ADGRA3: variants seen among roughly 807,000 people sequenced by gnomAD.
The protein encoded by ADGRA3 is G-protein coupled receptor 125.
A neutral mutation model predicts 119.8 loss-of-function variants in ADGRA3; 56 were observed. That is an observed-to-expected ratio of 0.47 (90% CI 0.38 to 0.58). The LOEUF is 0.58. ADGRA3 is among the 20% of genes least tolerant of loss of function. The pLI is 0.00. For synonymous variants in ADGRA3, 607 were observed against 623.8 expected, an observed-to-expected ratio of 0.97 and a Z score of 0.40; for missense variants, 1,516 against 1,649.0, an observed-to-expected ratio of 0.92 and a Z score of 1.40.
chr4:22,410,609 T>C (rs1415957968), intron 14 of ADGRA3, among the ~76,000 whole-genome samples: 2 of 152,134 alleles, frequency 1.3e-5, no homozygotes, highest in Admixed American at 6.5e-5. Context: ...TCAAGAGACA[T>C]AGGATTTTAT....
At chr4:22,432,592 C>T (rs1011321929) in intron 10 of ADGRA3, among the ~76,000 whole-genome samples, 43 of 152,240 alleles carry the variant, frequency 2.8e-4, no homozygotes, top group African/African-American at 1.0e-3. Context: ...TGCCAGAAAG[C>T]ATCATCAGAT....
intron 13 of ADGRA3, 46 bp from the exon 14 acceptor site, chr4:22,413,436 A>G: frequency 6.5e-7 from 1 of 1,535,808 alleles, no homozygotes; most frequent in South Asian, 1.1e-5. Flanking sequence ...AAACTTCATA[A>G]CCAATTATAA....
At chr4:22,513,533 TGG>T (rs746392231) in intron 1 of ADGRA3, among the ~76,000 whole-genome samples, 1 of 151,288 alleles carries the variant, frequency 6.6e-6, no homozygotes, top group Admixed American at 6.6e-5. Flanking sequence ...TTTTTTTGAA[TGG>T]GAGTCTCACT....
intron 4 of ADGRA3, among the ~76,000 whole-genome samples, chr4:22,447,979 G>A (rs967358137): frequency 6.6e-6 from 1 of 152,180 alleles, no homozygotes; most frequent in African/African-American, 2.4e-5. Context: ...TATGAGGGGA[G>A]CGGGATGAGT....
chr4:22,435,160 A>G (rs1340842790), intron 10 of ADGRA3, 151 bp downstream of exon 10: 8 of 654,914 alleles, frequency 1.2e-5, no homozygotes, highest in Non-Finnish European at 1.8e-5. Flanking sequence ...GAGAAGAGGC[A>G]GAAGTATCTC....
In ADGRA3 at chr4:22,438,348, C is replaced by A. The variant is rs1716477907; in HGVS notation, c.993G>T (p.Gly331=). The A allele has an allele frequency of 6.2e-7, 1 of 1,613,388 alleles. No homozygotes were observed. The highest frequency in any genetic ancestry group is 1.7e-5 in the Admixed American group (1 of 59,996). ...CAATATCCACAGTCCTCGTATTATT[C>A]CCACGTTTGGTCTGGACATGACAGC... ...NWGCHVQTKR[G]NNTRTVDIVV... is the part of the protein sequence containing the mutation. Residue 331 remains glycine, a synonymous_variant, in exon 8 of 19, where the codon GGG becomes GGT. Coordinates refer to ENST00000334304, the MANE Select transcript of ADGRA3 (RefSeq NM_145290.4).
chr4:22,493,688 C>T (rs994302672), intron 1 of ADGRA3, among the ~76,000 whole-genome samples: 3 of 152,246 alleles, frequency 2.0e-5, no homozygotes, highest in Admixed American at 6.5e-5. Flanking sequence ...AATGTGTACT[C>T]ATTTTGTCAG....
intron 10 of ADGRA3, among the ~76,000 whole-genome samples, chr4:22,428,349 G>GA (rs35955836): frequency 0.61 from 89,786 of 146,352 alleles, 29,259 homozygotes; most frequent in Non-Finnish European, 0.73. Flanking sequence ...GGTAAAATAA[G>GA]AAAAAAAAAA....
At chr4:22,500,041 T>G (rs1356213349) in intron 1 of ADGRA3, among the ~76,000 whole-genome samples, 1 of 152,200 alleles carries the variant, frequency 6.6e-6, no homozygotes, top group African/African-American at 2.4e-5. Flanking sequence ...ATGAGCATCA[T>G]GTCAATCCCA....
chr4:22,501,934 T>TC (rs1553882696), intron 1 of ADGRA3, among the ~76,000 whole-genome samples: 42 of 151,716 alleles, frequency 2.8e-4, no homozygotes, highest in South Asian at 6.3e-4. Flanking sequence ...ATTTTTTTTT[T>TC]CCCCATCAAG....
At chr4:22,478,951 A>C (rs933901725) in intron 1 of ADGRA3, among the ~76,000 whole-genome samples, 21 of 152,360 alleles carry the variant, frequency 1.4e-4, no homozygotes, top group East Asian at 1.2e-3. Flanking sequence ...GCAATGTTAA[A>C]AGATAAACAA....
chr4:22,463,375 C>T (rs1717541265), intron 2 of ADGRA3, among the ~76,000 whole-genome samples: 2 of 152,180 alleles, frequency 1.3e-5, no homozygotes, highest in East Asian at 1.9e-4. Flanking sequence ...GGACCACTGG[C>T]GCCACCTGTC....
chr4:22,510,233 C>T (rs1719403963), intron 1 of ADGRA3, among the ~76,000 whole-genome samples: 1 of 152,124 alleles, frequency 6.6e-6, no homozygotes, highest in Non-Finnish European at 1.5e-5. Context: ...CATCCCACTT[C>T]TCTTTTCAGG....
intron 14 of ADGRA3, among the ~76,000 whole-genome samples, chr4:22,410,395 AT>A (rs959513324): frequency 1.3e-5 from 2 of 151,524 alleles, no homozygotes; most frequent in African/African-American, 2.4e-5. Context: ...TTTCTGCTTA[AT>A]TTTTTTTTCT....
chr4:22,426,107 T>TAA (rs1192188658), intron 10 of ADGRA3, among the ~76,000 whole-genome samples: 2 of 152,200 alleles, frequency 1.3e-5, no homozygotes, highest in African/African-American at 2.4e-5. Context: ...TTTACTGTTT[T>TAA]AATCCCGAAA....
Position 22,436,587 on chromosome 4 carries a change from G to A in ADGRA3, c.1140C>T (p.Thr380=). 1.9e-6 allele frequency: 3 copies of A among 1,614,048 alleles called. No individual in the cohort carries two copies. Among genetic ancestry groups the A allele is most frequent in the Non-Finnish European group, 2.5e-6 (3 of 1,179,976 alleles). ...TTCCGGGATATATCCCACTGCCATG[G>A]GTGTTCCGCGTACACTGCAGATATG... ...ITAYLQCTRN[T]HGSGIYPGNP... Residue 380 remains threonine, a synonymous_variant, in exon 9 of 19, where the codon ACC becomes ACT. Transcript: ENST00000334304.
At chr4:22,502,422 C>G (rs953614074) in intron 1 of ADGRA3, among the ~76,000 whole-genome samples, 1 of 152,118 alleles carries the variant, frequency 6.6e-6, no homozygotes, top group Non-Finnish European at 1.5e-5. Context: ...TGAGATATAT[C>G]ACATGCAGAA....
At chr4:22,491,301 G>C (rs13103323) in intron 1 of ADGRA3, among the ~76,000 whole-genome samples, 71,670 of 152,104 alleles carry the variant, frequency 0.47, 18,605 homozygotes, top group East Asian at 0.61. Context: ...CAGGCCAAGA[G>C]GCAAGATCCA....
chr4:22,509,309 T>C (rs1437094028), intron 1 of ADGRA3, among the ~76,000 whole-genome samples: 1 of 151,822 alleles, frequency 6.6e-6, no homozygotes, highest in Non-Finnish European at 1.5e-5. Flanking sequence ...AAGACCAGCC[T>C]AGCCAACATG....
Sources: allele counts gnomAD v4.1 joint callset (sites outside exome capture counted in the v4.1 genomes callset), GRCh38; gene constraint gnomAD v4.1.1; transcripts MANE v1.5; gene names NCBI Gene and HGNC (gene_info 2026-07-23, HGNC 2026-07-21).